Variants in COL21A1 observed in about 807,000 individuals in gnomAD.
COL21A1 encodes the protein collagen type XXI alpha 1 chain.
A neutral mutation model predicts 137.9 loss-of-function variants in COL21A1; 149 were observed. The observed-to-expected ratio is 1.08, with a 90% CI of 0.95 to 1.24. The LOEUF (loss-of-function observed/expected upper bound fraction) is 1.24, where lower values mean the gene tolerates loss of function less well. Ranked by LOEUF, COL21A1 falls within the 50% of genes most tolerant of loss-of-function variation. The pLI, the probability that COL21A1 is intolerant of heterozygous loss-of-function variation, is 0.00. For missense variants in COL21A1, 1,167 were observed against 1,158.4 expected, an observed-to-expected ratio of 1.01 and a Z score of -0.11; for synonymous variants, 456 against 391.5, an observed-to-expected ratio of 1.16 and a Z score of -1.95.
intron 1 of COL21A1, among the ~76,000 whole-genome samples, chr6:56,201,917 C>T (rs907443754): frequency 5.9e-5 from 9 of 152,008 alleles, no homozygotes; most frequent in Middle Eastern, 3.2e-3. Context: ...CATTTTTAAA[C>T]TTGTTTCATA....
At chr6:56,058,981 G>A (rs1477754283) in intron 29 of COL21A1, among the ~76,000 whole-genome samples, 184 bp downstream of exon 29, 1 of 152,074 alleles carries the variant, frequency 6.6e-6, no homozygotes, top group Non-Finnish European at 1.5e-5. Context: ...TAATATTGAA[G>A]GATTCATAAA....
At chr6:56,203,268 C>T (rs1044968654) in intron 1 of COL21A1, among the ~76,000 whole-genome samples, 2 of 152,084 alleles carry the variant, frequency 1.3e-5, no homozygotes, top group African/African-American at 4.8e-5. Context: ...CTGGATGTGC[C>T]TGGTTTGCCT....
At chr6:56,118,035 C>T (rs548328911) in intron 16 of COL21A1, among the ~76,000 whole-genome samples, 42 of 151,558 alleles carry the variant, frequency 2.8e-4, no homozygotes, top group African/African-American at 1.0e-3. Flanking sequence ...ATTAGAAAAG[C>T]AAGGCAAACC....
intron 1 of COL21A1, among the ~76,000 whole-genome samples, chr6:56,304,470 T>C (rs995670878): frequency 5.9e-5 from 9 of 152,208 alleles, no homozygotes; most frequent in African/African-American, 2.2e-4. Flanking sequence ...GGAGGGTGTA[T>C]GTGTCGAGGA....
chr6:56,361,695 A>T (rs1359640882), intron 1 of COL21A1, among the ~76,000 whole-genome samples: 1 of 86,320 alleles, frequency 1.2e-5, no homozygotes, highest in Admixed American at 1.8e-4. Flanking sequence ...ATCCAAGCAT[A>T]AAAAAAAATC....
intron 9 of COL21A1, among the ~76,000 whole-genome samples, chr6:56,160,454 C>G (rs1160723647): frequency 6.6e-6 from 1 of 152,124 alleles, no homozygotes; most frequent in Admixed American, 6.6e-5. Flanking sequence ...CACTACCATT[C>G]CTGTCCACAA....
At chr6:56,268,408 G>C (rs1351030813) in intron 1 of COL21A1, among the ~76,000 whole-genome samples, 1 of 152,134 alleles carries the variant, frequency 6.6e-6, no homozygotes, top group Non-Finnish European at 1.5e-5. Flanking sequence ...CCACTACAGA[G>C]CATGGTTGTG....
chr6:56,169,251 T>C (rs1776838109), intron 5 of COL21A1, among the ~76,000 whole-genome samples: 2 of 151,974 alleles, frequency 1.3e-5, no homozygotes, highest in African/African-American at 4.8e-5. Flanking sequence ...CAAGCCATCC[T>C]TCAGATCACC....
chr6:56,168,729 T>TTC (rs1328178293), intron 5 of COL21A1, among the ~76,000 whole-genome samples: 2 of 151,934 alleles, frequency 1.3e-5, no homozygotes, highest in African/African-American at 4.8e-5. Context: ...TAGTTGCTCA[T>TTC]TCTCTCTCTC....
At position 56,317,089 on chromosome 6, in the gene COL21A1, G is replaced by A. The variant is rs573834623; in HGVS notation, c.-39+76882C>T. On this transcript the variant is annotated intron_variant, in intron 1 of 28. Coordinates refer to the COL21A1 transcript ENST00000370819. ...CTAGCACCTTCTGTTCCAGGTAAGC[G>A]GATCTCAGCTGTGACTGTCTGCACT... Among the ~76,000 whole-genome samples, 7 of 152,158 alleles carry A rather than the reference G, an allele frequency of 4.6e-5. No individual in the cohort carries two copies. In the South Asian group the frequency reaches 8.3e-4, roughly 18 times the overall value.
chr6:56,310,188 G>A (rs1041688071), intron 1 of COL21A1, among the ~76,000 whole-genome samples: 3 of 144,544 alleles, frequency 2.1e-5, no homozygotes, highest in Non-Finnish European at 3.1e-5. Context: ...AATGGAAGAC[G>A]TAAGACAGAA....
intron 17 of COL21A1, among the ~76,000 whole-genome samples, chr6:56,097,101 T>G (rs943544680): frequency 6.6e-6 from 1 of 152,158 alleles, no homozygotes; most frequent in Non-Finnish European, 1.5e-5. Context: ...TCAGCAAATT[T>G]GAGACACTTA....
At chr6:56,391,271 TACCA>T (rs1236477385) in intron 1 of COL21A1, among the ~76,000 whole-genome samples, 3 of 151,898 alleles carry the variant, frequency 2.0e-5, no homozygotes, top group Non-Finnish European at 1.5e-5. Context: ...TTGTGAAACA[TACCA>T]AAACTTACAA....
At chr6:56,304,424 T>C (rs1420324769) in intron 1 of COL21A1, among the ~76,000 whole-genome samples, 1 of 152,214 alleles carries the variant, frequency 6.6e-6, no homozygotes, top group Non-Finnish European at 1.5e-5. Context: ...GTTATTGGTC[T>C]ATTCAGAGAT....
At chr6:56,074,103 G>A (rs949964460) in intron 20 of COL21A1, 129 bp downstream of exon 20, 25 of 594,208 alleles carry the variant, frequency 4.2e-5, no homozygotes, top group Non-Finnish European at 6.5e-5. Context: ...TCTTACAAGT[G>A]ATTTTTTTTC....
intron 1 of COL21A1, among the ~76,000 whole-genome samples, chr6:56,222,427 C>T (rs1370190456): frequency 7.2e-5 from 11 of 152,064 alleles, no homozygotes; most frequent in African/African-American, 2.4e-4. Flanking sequence ...CAAGTTTCTC[C>T]ATCCATTCAT....
chr6:56,137,817 T>C (rs769718993), intron 12 of COL21A1, among the ~76,000 whole-genome samples: 1 of 152,132 alleles, frequency 6.6e-6, no homozygotes, highest in Admixed American at 6.6e-5. Flanking sequence ...CATAATAAAC[T>C]AAGATGTTAA....
chr6:56,082,847 C>T (rs1301557959), intron 17 of COL21A1, among the ~76,000 whole-genome samples: 1 of 151,744 alleles, frequency 6.6e-6, no homozygotes, highest in Non-Finnish European at 1.5e-5. Flanking sequence ...CTAATATCTT[C>T]TATATCTTAT....
At chr6:56,308,560 T>C (rs1015508208) in intron 1 of COL21A1, among the ~76,000 whole-genome samples, 2 of 152,210 alleles carry the variant, frequency 1.3e-5, no homozygotes, top group Non-Finnish European at 1.5e-5. Flanking sequence ...AATAGTGGTT[T>C]CCAGGAACTG....
Sources: gnomAD v4.1 joint callset for allele counts (sites outside exome capture counted in the v4.1 genomes callset) on GRCh38, gnomAD v4.1.1 for gene constraint, MANE v1.5 for transcripts, NCBI Gene and HGNC (gene_info 2026-07-23, HGNC 2026-07-21) for gene names.